FLNB: variants seen among roughly 807,000 people sequenced by gnomAD.
FLNB encodes the protein filamin B.
A neutral mutation model predicts 250.6 loss-of-function variants in FLNB; 111 were observed. The ratio of observed to expected loss-of-function variants is 0.44; its 90% CI spans 0.38 to 0.52. The LOEUF (loss-of-function observed/expected upper bound fraction) is 0.52, where lower values mean the gene tolerates loss of function less well. FLNB is among the 20% of genes least tolerant of loss of function. The pLI is 0.00. For synonymous variants in FLNB, 1,302 were observed against 1,372.1 expected (o/e 0.95, Z 1.13); for missense variants, 2,869 against 3,447.8 (o/e 0.83, Z 4.20).
intron 8 of FLNB, among the ~76,000 whole-genome samples, 169 bp downstream of exon 8, chr3:58,099,077 T>C (rs573969130): frequency 1.3e-5 from 2 of 152,298 alleles, no homozygotes; most frequent in East Asian, 3.9e-4. Flanking sequence ...AATATATTAA[T>C]ATTAATATCT....
At position 58,104,013 on chromosome 3, in the gene FLNB, TC is replaced by T; in HGVS notation, c.1539del (p.Phe513LeufsTer60). The T allele has an allele frequency of 6.2e-7, 1 of 1,613,762 alleles. No individual in the cohort carries two copies. The highest frequency in any genetic ancestry group is 8.5e-7 in the Non-Finnish European group (1 of 1,179,808). The stretch of plus-strand genomic sequence containing the variant: ...GACTTTCTGGATGGGGTCTACGCAT[TC>T]GAGTATTACCCCAGCACCCCGGGGA... ...QKDFLDGVYAFEYYPSTPGRY... is the reference protein window; with the variant it reads ...QKDFLDGVYAXEYYPSTPGRY... On this transcript the variant is annotated frameshift_variant, in exon 10 of 46. Coordinates refer to ENST00000295956, the MANE Select transcript of FLNB (RefSeq NM_001457.4). LOFTEE classifies it high-confidence loss of function.
intron 24 of FLNB, among the ~76,000 whole-genome samples, 189 bp from the exon 25 acceptor site, chr3:58,130,552 A>G (rs1205937343): frequency 6.6e-6 from 1 of 152,110 alleles, no homozygotes; most frequent in Non-Finnish European, 1.5e-5. Context: ...ATCTGCACGT[A>G]GTAGGTGTTC....
intron 24 of FLNB, among the ~76,000 whole-genome samples, chr3:58,130,430 A>C (rs1345736924): frequency 1.3e-5 from 2 of 151,692 alleles, no homozygotes; most frequent in African/African-American, 4.8e-5. Flanking sequence ...CACCTTCCAC[A>C]CCCCAAATAT....
chr3:58,147,476 G>A (rs756714351), intron 34 of FLNB, among the ~76,000 whole-genome samples: 2 of 152,182 alleles, frequency 1.3e-5, no homozygotes, highest in Non-Finnish European at 2.9e-5. Context: ...ACCTTGCTGT[G>A]TTCAGGTTAT....
Position 58,169,724 on chromosome 3 carries a change from A to C in FLNB, c.7552A>C (p.Lys2518Gln), listed in dbSNP as rs768408813. The C allele has an allele frequency of 3.7e-6, 6 of 1,613,920 alleles. No homozygotes were observed. In the South Asian group the frequency reaches 6.6e-5, roughly 18 times the overall value. ...CTCGGACGCCAGCAAGGTGACCTCT[A>C]AGGGGGCAGGGCTCTCAAAGGCCTT... ...ASSDASKVTS[K>Q]GAGLSKAFVG... The change falls in exon 45 of 46, where the codon AAG (lysine) becomes CAG (glutamine). Residue 2518 changes from lysine (K) to glutamine (Q), a missense_variant. Physicochemically the swap from Lys to Gln is moderately conservative, Grantham distance 53. This residue lies in a region of FLNB where 1,084 missense variants were observed against 1,315.5 expected (regional missense o/e 0.82). Coordinates refer to ENST00000295956, the MANE Select transcript of FLNB (RefSeq NM_001457.4). This position sits in a 1 kb window ranked among gnomAD's most constrained non-coding sequence, Gnocchi z 4.8.
Position 58,142,665 on chromosome 3 carries a change from T to C in FLNB, c.5197T>C (p.Tyr1733His). 1 of 1,614,070 alleles carries C rather than the reference T, an allele frequency of 6.2e-7. No homozygotes were observed. The highest frequency in any genetic ancestry group is 8.5e-7 in the Non-Finnish European group (1 of 1,179,886). The change falls in exon 31 of 46, where the codon TAT becomes CAT. Residue 1733 changes from tyrosine (Y) to histidine (H), a missense_variant. Physicochemically the swap from Tyr to His is moderately conservative, Grantham distance 83. Transcript: ENST00000295956. This position sits in a 1 kb window ranked among gnomAD's most constrained non-coding sequence, Gnocchi z 4.3. Reference protein sequence around the residue: ...GFRPWVTEEAYVPVSDMNGLG... With the variant: ...GFRPWVTEEAHVPVSDMNGLG... ...CTGTTTTTAGGTGACCGAAGAGGCC[T>C]ATGTCCCAGTGAGTGACATGAACGG... is the stretch of plus-strand genomic sequence containing the variant.
chr3:58,033,147 A>G (rs999661479), intron 1 of FLNB, among the ~76,000 whole-genome samples: 33 of 152,326 alleles, frequency 2.2e-4, no homozygotes, highest in African/African-American at 7.9e-4. Flanking sequence ...ACACATTTTG[A>G]TTAGCTTATA....
intron 1 of FLNB, among the ~76,000 whole-genome samples, chr3:58,038,309 G>A (rs1425706670): frequency 2.0e-5 from 3 of 152,138 alleles, no homozygotes; most frequent in East Asian, 1.9e-4. Context: ...GATTACAGGC[G>A]TGAGCCACCA....
chr3:58,131,966 A>C, intron 25 of FLNB: 1 of 1,537,248 alleles, frequency 6.5e-7, no homozygotes, highest in South Asian at 1.2e-5. Flanking sequence ...AGCCCCTTGA[A>C]AGCCCTTTCA....
intron 40 of FLNB, 107 bp downstream of exon 40, chr3:58,155,035 G>GCCCATACACATAGAT: frequency 8.8e-7 from 1 of 1,132,904 alleles, no homozygotes; most frequent in Non-Finnish European, 1.3e-6. Flanking sequence ...GAATCTATGT[G>GCCCATACACATAGAT]TATGGGCACA....
intron 1 of FLNB, among the ~76,000 whole-genome samples, chr3:58,010,411 G>A (rs1197282993): frequency 6.6e-6 from 1 of 152,116 alleles, no homozygotes; most frequent in Non-Finnish European, 1.5e-5. Context: ...TGCTTCCTGG[G>A]CCCAGATGGC....
intron 1 of FLNB, among the ~76,000 whole-genome samples, chr3:58,061,115 G>C: frequency 6.6e-6 from 1 of 152,132 alleles, no homozygotes; most frequent in East Asian, 1.9e-4. Context: ...ACAGGTGAAA[G>C]GCCATTGCCC....
Position 58,142,814 on chromosome 3 carries a change from TG to T in FLNB, c.5284+63del. The T allele has an allele frequency of 6.9e-7, 1 of 1,438,890 alleles. No individual in the cohort carries two copies. The highest frequency in any genetic ancestry group is 9.8e-7 in the Non-Finnish European group (1 of 1,023,644). 89.1% of individuals were successfully genotyped at this position (1,438,890 alleles called of 1,614,324 possible). A position where few individuals can be genotyped will look rare whatever the true frequency, so the allele number is the denominator to read the frequency against. ...TGCTCTCACGAGCTTCCCAGAATGG[TG>T]CTGGGGAGGTGTGTCCACTGTCCCC... On this transcript the variant is annotated intron_variant, in intron 31 of 45. Transcript: ENST00000295956. This position sits in a 1 kb window ranked among gnomAD's most constrained non-coding sequence, Gnocchi z 4.3.
At position 58,159,601 on chromosome 3, in the gene FLNB, G is replaced by A. The variant is rs1451497437; in HGVS notation, c.6936G>A (p.Leu2312=). Residue 2312 remains leucine, a synonymous_variant, in exon 42 of 46, where the codon TTG becomes TTA. Transcript: ENST00000295956. ...VNQPASFAIR[L]NGAKGKIDAK... is the part of the protein sequence containing the mutation. ...AGCCAGCATCCTTTGCTATAAGGTT[G>A]AATGGCGCAAAAGGCAAGATTGATG... The A allele has an allele frequency of 1.9e-6, 3 of 1,614,092 alleles. No homozygotes were observed. The highest frequency in any genetic ancestry group is 3.3e-5 in the Admixed American group (2 of 60,028).
chr3:58,084,555 TA>T (rs66843073), intron 4 of FLNB, among the ~76,000 whole-genome samples: 4,124 of 148,046 alleles, frequency 0.028, 85 homozygotes, highest in Middle Eastern at 0.062. Context: ...CACACCCTTT[TA>T]AAAAAAAATT....
intron 18 of FLNB, among the ~76,000 whole-genome samples, chr3:58,116,468 A>T (rs1480051920): frequency 2.0e-5 from 3 of 152,094 alleles, no homozygotes; most frequent in Non-Finnish European, 4.4e-5. Context: ...CAGGTCCCTG[A>T]TTGCTGGTTT....
At position 58,130,733 on chromosome 3, in the gene FLNB, T is replaced by C. The variant is rs2097306020; in HGVS notation, c.4223-8T>C. On this transcript the variant is annotated splice_polypyrimidine_tract_variant and splice_region_variant and intron_variant, in intron 24 of 45. Transcript: ENST00000295956. ...CTTGTGCTCAGAATCCCACAACCTC[T>C]CTTCCAGGCAGCCCCTTCAGGGTTC... The C allele has an allele frequency of 6.2e-7, 1 of 1,611,490 alleles. No homozygotes were observed. The highest frequency in any genetic ancestry group is 8.5e-7 in the Non-Finnish European group (1 of 1,178,952).
intron 18 of FLNB, among the ~76,000 whole-genome samples, chr3:58,113,120 T>C (rs2097271864): frequency 6.6e-6 from 1 of 152,250 alleles, no homozygotes; most frequent in Admixed American, 6.5e-5. Context: ...CATTATGTCG[T>C]GCACCCATCA....
Position 58,121,356 on chromosome 3 carries a change from G to A in FLNB, c.2979G>A (p.Val993=), listed in dbSNP as rs1369026412. 2 of 1,614,092 alleles carry A rather than the reference G, an allele frequency of 1.2e-6. No individual in the cohort carries two copies. The highest frequency in any genetic ancestry group is 8.5e-7 in the Non-Finnish European group (1 of 1,180,064). Residue 993 remains valine (V), a synonymous_variant, in exon 20 of 46, where the codon GTG becomes GTA. Coordinates refer to ENST00000295956, the MANE Select transcript of FLNB (RefSeq NM_001457.4). ...CTCGGAAGGTCGTGCCATGCCTAGT[G>A]ACACCTGTGACAGGCCGGGAGAACA... ...SPSRKVVPCL[V]TPVTGRENST...
Sources: allele counts gnomAD v4.1 joint callset (sites outside exome capture counted in the v4.1 genomes callset), GRCh38; gene constraint gnomAD v4.1.1; regional missense constraint gnomAD v4.1.1; non-coding constraint Gnocchi (gnomAD v3.1); transcripts MANE v1.5; gene names NCBI Gene and HGNC (gene_info 2026-07-23, HGNC 2026-07-21).